The following WDR72 variants were observed in gnomAD, a reference collection of about 807,000 sequenced individuals.
The protein encoded by WDR72 is WD repeat domain 72, also known as WD repeat-containing protein 72.
Under a neutral mutation model 124.2 loss-of-function variants are expected in WDR72, and 120 were observed. The ratio of observed to expected loss-of-function variants is 0.97; its 90% CI spans 0.83 to 1.12. The LOEUF (loss-of-function observed/expected upper bound fraction) is 1.12. Among genes scored for constraint, WDR72 ranks in the 50% most tolerant of loss-of-function variants. The pLI, the probability that WDR72 is intolerant of heterozygous loss-of-function variation, is 0.00. For missense variants in WDR72, 1,387 were observed against 1,278.8 expected, an observed-to-expected ratio of 1.08 and a Z score of -1.29; for synonymous variants, 452 against 441.7, an observed-to-expected ratio of 1.02 and a Z score of -0.29.
chr15:53,726,612 C>G (rs1468121285), intron 2 of WDR72, among the ~76,000 whole-genome samples: 1 of 151,974 alleles, frequency 6.6e-6, no homozygotes, highest in Non-Finnish European at 1.5e-5. Context: ...CAGGCAGAGG[C>G]AAGAGGATCA....
At chr15:53,528,715 G>C (rs1892259162) in intron 18 of WDR72, among the ~76,000 whole-genome samples, 1 of 151,892 alleles carries the variant, frequency 6.6e-6, no homozygotes, top group South Asian at 2.1e-4. Flanking sequence ...TTAGGCTTAG[G>C]GGAAAAATCT....
rs535345095 is a variant in WDR72 at position 53,622,367 on chromosome 15, G to A, written c.1963-6124C>T. The stretch of plus-strand genomic sequence containing the variant: ...CACTAGTCACAATAGCAAAGATATG[G>A]AATCAACCCAAAAGCCCATCAATGA... On this transcript the variant is annotated intron_variant, in intron 14 of 19. Coordinates refer to ENST00000360509, the MANE Select transcript of WDR72 (RefSeq NM_182758.4). 3.5e-4 allele frequency among the ~76,000 whole-genome samples: 54 copies of A among 152,192 alleles called. 4 individuals carry two copies. The highest frequency in any genetic ancestry group is 3.3e-3 in the Admixed American group (50 of 15,268).
chr15:53,756,242 C>T (rs1424107844), intron 1 of WDR72, among the ~76,000 whole-genome samples: 1 of 152,172 alleles, frequency 6.6e-6, no homozygotes, highest in Non-Finnish European at 1.5e-5. Flanking sequence ...CTGATGGTTT[C>T]ATAAGGGGCT....
Position 53,568,271 on chromosome 15 carries a change from T to C in WDR72, c.3148+28808A>G, listed in dbSNP as rs1050220442. ...CCACAGTACAACTTTACTGAGCAGC[T>C]TTTCAAAGTACATAAGCTTTTGTTT... On this transcript the variant is annotated intron_variant, in intron 18 of 19. Transcript: ENST00000360509. Among the ~76,000 whole-genome samples, 17 of 151,794 alleles carry C rather than the reference T, an allele frequency of 1.1e-4. 1 individual carries two copies. Among genetic ancestry groups the C allele is most frequent in the Non-Finnish European group, 1.5e-4 (10 of 67,926 alleles).
intron 14 of WDR72, among the ~76,000 whole-genome samples, chr15:53,656,688 G>C (rs963673185): frequency 3.3e-5 from 5 of 152,038 alleles, no homozygotes; most frequent in African/African-American, 1.2e-4. Context: ...CTAATAGTTT[G>C]AGTTAACATT....
intron 2 of WDR72, among the ~76,000 whole-genome samples, chr15:53,727,919 G>A (rs959840891): frequency 9.9e-5 from 15 of 152,218 alleles, no homozygotes; most frequent in South Asian, 4.1e-4. Context: ...GATGAAATCT[G>A]CAAGACCTTT....
rs142137749 is a variant in WDR72, at chr15:53,613,705, T to G, written c.2833A>C (p.Ile945Leu). 7.4e-6 allele frequency: 12 copies of G among 1,611,310 alleles called. No individual in the cohort carries two copies. In the African/African-American group the frequency reaches 1.5e-4, roughly 20 times the overall value. Reference protein sequence around the residue: ...HNKMRGAGNDILNMSSFYSCL... With the variant: ...HNKMRGAGNDLLNMSSFYSCL... ...CTGTAGAAGCTTGACATATTTAAAA[T>G]GTCATTCCCAGCACCTCTCATCTTA... Residue 945 changes from isoleucine to leucine, a missense_variant, in exon 16 of 20, where the codon ATT (isoleucine) becomes CTT (leucine). By Grantham distance (5) the Ile-to-Leu change is conservative (BLOSUM62 2). Transcript: ENST00000360509.
Position 53,515,086 on chromosome 15 carries a change from T to TGTATACACACACAC in WDR72, c.*2612_*2613insGTGTGTGTGTATAC, listed in dbSNP as rs34023014. ...ATATACACACATATATATGTATGTA[T>TGTATACACACACAC]ACACACACACACACACACACAAATA... is the stretch of plus-strand genomic sequence containing the variant. On this transcript the variant is annotated 3_prime_UTR_variant, in exon 20 of 20. Transcript: ENST00000360509. The TGTATACACACACAC allele has an allele frequency of 3.1e-3, 274 of 87,212 alleles. 2 individuals carry two copies. The highest frequency in any genetic ancestry group is 4.7e-3 in the Non-Finnish European group (185 of 39,728). 5.4% of individuals were successfully genotyped at this position (87,212 alleles called of 1,614,324 possible). A position where few individuals can be genotyped will look rare whatever the true frequency, so the allele number is the denominator to read the frequency against.
At chr15:53,616,316 G>A (rs111808423) in intron 14 of WDR72, 73 bp from the exon 15 acceptor site, 1 of 1,353,038 alleles carries the variant, frequency 7.4e-7, no homozygotes. Context: ...ATGTTAAAGT[G>A]GCATTTTTAA....
intron 1 of WDR72, among the ~76,000 whole-genome samples, chr15:53,748,370 T>G (rs1326546407): frequency 6.6e-6 from 1 of 152,198 alleles, no homozygotes; most frequent in East Asian, 1.9e-4. Flanking sequence ...TAAGAAGAAA[T>G]TAAGCTACAT....
chr15:53,695,035 C>T (rs772435794), intron 13 of WDR72, among the ~76,000 whole-genome samples: 14 of 152,114 alleles, frequency 9.2e-5, no homozygotes, highest in Non-Finnish European at 1.8e-4. Flanking sequence ...AAAGATCATA[C>T]GGACCACAAA....
intron 14 of WDR72, among the ~76,000 whole-genome samples, chr15:53,616,827 C>T (rs1050748761): frequency 6.6e-6 from 1 of 151,912 alleles, no homozygotes; most frequent in Non-Finnish European, 1.5e-5. Context: ...TGAGGCATTC[C>T]TTGAATACTC....
At chr15:53,577,894 G>A (rs2011697490) in intron 18 of WDR72, among the ~76,000 whole-genome samples, 1 of 152,024 alleles carries the variant, frequency 6.6e-6, no homozygotes, top group South Asian at 2.1e-4. Flanking sequence ...TTTTTAAAAT[G>A]TATTTGCTCC....
At position 53,565,309 on chromosome 15, in the gene WDR72, A is replaced by G. The variant is rs116201238; in HGVS notation, c.3148+31770T>C. ...GTAGGACTTTTTTTCTTTTCAATAA[A>G]TTACTTTTTGAACACATGTGCACAG... is the stretch of plus-strand genomic sequence containing the variant. On this transcript the variant is annotated intron_variant, in intron 18 of 19. Transcript: ENST00000360509. Among the ~76,000 whole-genome samples, 1,446 of 152,010 alleles carry G rather than the reference A, an allele frequency of 9.5e-3. 32 individuals are homozygous for G. The highest frequency in any genetic ancestry group is 0.034 in the African/African-American group (1,394 of 41,516).
intron 18 of WDR72, among the ~76,000 whole-genome samples, chr15:53,532,541 C>G (rs970648024): frequency 1.3e-5 from 2 of 151,962 alleles, no homozygotes; most frequent in Non-Finnish European, 2.9e-5. Flanking sequence ...AAGTCAGGTA[C>G]AGAAAAACAA....
At chr15:53,613,820 A>G (rs2013648962) in intron 15 of WDR72, 63 bp from the exon 16 acceptor site, 2 of 1,138,386 alleles carry the variant, frequency 1.8e-6, no homozygotes, top group Admixed American at 3.4e-5. Flanking sequence ...GAGGAAATAA[A>G]TCAAAGATAT....
chr15:53,599,198 C>T (rs1381323721), intron 17 of WDR72, among the ~76,000 whole-genome samples: 1 of 151,948 alleles, frequency 6.6e-6, no homozygotes, highest in East Asian at 1.9e-4. Flanking sequence ...ATATATATAT[C>T]ACAATATTGG....
intron 14 of WDR72, among the ~76,000 whole-genome samples, chr15:53,658,232 ACC>A: frequency 1.3e-5 from 2 of 152,284 alleles, no homozygotes; most frequent in South Asian, 4.1e-4. Context: ...TCAAGACTTT[ACC>A]TTGGAGCATT....
chr15:53,530,238 GA>G (rs566795319), intron 18 of WDR72, among the ~76,000 whole-genome samples: 313 of 151,290 alleles, frequency 2.1e-3, no homozygotes, highest in Non-Finnish European at 4.7e-4. Flanking sequence ...ATTTGGTAAA[GA>G]AGAGAATTTC....
Sources: gnomAD v4.1 joint callset for allele counts (sites outside exome capture counted in the v4.1 genomes callset) on GRCh38, gnomAD v4.1.1 for gene constraint, MANE v1.5 for transcripts, NCBI Gene and HGNC (gene_info 2026-07-23, HGNC 2026-07-21) for gene names.